The following HTRA1 variants were observed in gnomAD, a reference collection of about 807,000 sequenced individuals.
HTRA1 encodes the protein HtrA serine peptidase 1, also known as serine protease HTRA1.
A neutral mutation model predicts 49.7 loss-of-function variants in HTRA1; 26 were observed. The ratio of observed to expected loss-of-function variants is 0.52; its 90% CI spans 0.38 to 0.73. The LOEUF (loss-of-function observed/expected upper bound fraction) is 0.73, where lower values mean the gene tolerates loss of function less well. Among genes scored for constraint, HTRA1 ranks in the 30% least tolerant of loss-of-function variants. The probability of loss-of-function intolerance (pLI) is 0.00; values close to 1 mark genes in which losing one functional copy is unlikely to be tolerated. For synonymous variants in HTRA1, 291 were observed against 286.9 expected, an observed-to-expected ratio of 1.01 and a Z score of -0.14; for missense variants, 561 against 667.2, an observed-to-expected ratio of 0.84 and a Z score of 1.75.
chr10:122,476,672 T>C (rs2097488620), intron 1 of HTRA1, among the ~76,000 whole-genome samples: 2 of 152,302 alleles, frequency 1.3e-5, no homozygotes, highest in African/African-American at 4.8e-5. Context: ...TTGTCTCTGC[T>C]ATTGCACCCC....
Position 122,461,794 on chromosome 10 carries a change from C to T in HTRA1, c.142C>T (p.Pro48Ser). The part of the protein sequence containing the change: ...PDRCEPARCP[P>S]QPEHCEGGRA... ...CCGCTGCGAGCCGGCGCGCTGCCCGCCGCAGCCGGAGCACTGCGAGGGCGG... is the reference window on the plus strand; with the variant it reads ...CCGCTGCGAGCCGGCGCGCTGCCCGTCGCAGCCGGAGCACTGCGAGGGCGG... Residue 48 changes from proline to serine, a missense_variant, in exon 1 of 9, where the codon CCG becomes TCG. Physicochemically the swap from Pro to Ser is moderately conservative, Grantham distance 74. This residue lies in a region of HTRA1 where 111 missense variants were observed against 83.7 expected (regional missense o/e 1.33). Coordinates refer to ENST00000368984, the MANE Select transcript of HTRA1 (RefSeq NM_002775.5). The T allele has an allele frequency of 9.5e-7, 1 of 1,054,044 alleles. No homozygotes were observed. The highest frequency in any genetic ancestry group is 1.1e-6 in the Non-Finnish European group (1 of 876,724). 65.3% of individuals were successfully genotyped at this position (1,054,044 alleles called of 1,614,324 possible).
Position 122,464,722 on chromosome 10 carries a change from T to C in HTRA1, c.472+2598T>C, listed in dbSNP as rs1024810863. On this transcript the variant is annotated intron_variant, in intron 1 of 8. Transcript: ENST00000368984. The surrounding 1 kb of genome is among the most constrained non-coding windows in gnomAD (Gnocchi z 4.8). ...CTGGGAGCCAGCAGACTTCATTCAG[T>C]CCAAGCCAGGCTCCAGGACTCAACA... 8.5e-5 allele frequency among the ~76,000 whole-genome samples: 13 copies of C among 152,206 alleles called. No individual in the cohort carries two copies. Among genetic ancestry groups the C allele is most frequent in the African/African-American group, 3.1e-4 (13 of 41,444 alleles).
chr10:122,468,500 C>T (rs1423798466), intron 1 of HTRA1, among the ~76,000 whole-genome samples: 1 of 150,614 alleles, frequency 6.6e-6, no homozygotes, highest in Admixed American at 6.6e-5. Flanking sequence ...ACACTCTTGT[C>T]TCCCTGGGGA....
chr10:122,493,477 C>A (rs1205670569), intron 3 of HTRA1, among the ~76,000 whole-genome samples: 2 of 152,180 alleles, frequency 1.3e-5, no homozygotes, highest in Admixed American at 1.3e-4. Context: ...AGCTTTCATC[C>A]AATGGTGGCA....
At chr10:122,502,465 A>G (rs987277663) in intron 3 of HTRA1, among the ~76,000 whole-genome samples, 2 of 152,144 alleles carry the variant, frequency 1.3e-5, no homozygotes, top group African/African-American at 4.8e-5. Flanking sequence ...GGAGACCTGG[A>G]GCCCATGGCC....
chr10:122,467,318 T>C (rs1474425678), intron 1 of HTRA1, among the ~76,000 whole-genome samples: 2 of 152,114 alleles, frequency 1.3e-5, no homozygotes, highest in African/African-American at 2.4e-5. Flanking sequence ...TCCTGGGGTG[T>C]TACCTGACCA....
intron 3 of HTRA1, among the ~76,000 whole-genome samples, chr10:122,500,925 T>C (rs1159233460): frequency 6.6e-6 from 1 of 152,202 alleles, no homozygotes; most frequent in Non-Finnish European, 1.5e-5. Flanking sequence ...TGCTCTGTGT[T>C]ATACCCTCTC....
At position 122,461,637 on chromosome 10, in the gene HTRA1, C is replaced by A. The variant is rs947215183; in HGVS notation, c.-16C>A. 2.3e-6 allele frequency: 3 copies of A among 1,301,360 alleles called. No individual in the cohort carries two copies. Among genetic ancestry groups the A allele is most frequent in the African/African-American group, 1.6e-5 (1 of 62,730 alleles). The allele number at this position is 1,301,360 out of a possible 1,614,324, so 80.6% of individuals were successfully genotyped here. A position where few individuals can be genotyped will look rare whatever the true frequency, so the allele number is the denominator to read the frequency against. On this transcript the variant is annotated 5_prime_UTR_variant, in exon 1 of 9. Transcript: ENST00000368984. Reference sequence around the variant, plus strand: ...TCGCCCTGTCCGCCGCCACCGCCGCCGCCGCCAGAGTCGCCATGCAGATCC... The same window carrying A: ...TCGCCCTGTCCGCCGCCACCGCCGCAGCCGCCAGAGTCGCCATGCAGATCC...
At chr10:122,478,956 A>G (rs2097489829) in intron 1 of HTRA1, among the ~76,000 whole-genome samples, 1 of 152,228 alleles carries the variant, frequency 6.6e-6, no homozygotes. Flanking sequence ...TGTACTGGGT[A>G]CTGCATATTA....
chr10:122,504,754 G>A (rs1413572870), intron 3 of HTRA1, among the ~76,000 whole-genome samples: 5 of 152,236 alleles, frequency 3.3e-5, no homozygotes, highest in Non-Finnish European at 7.3e-5. Context: ...AGGGGCTGCT[G>A]GCCCAGGCCC....
chr10:122,473,378 C>T (rs1173740214), intron 1 of HTRA1, among the ~76,000 whole-genome samples: 1 of 152,156 alleles, frequency 6.6e-6, no homozygotes, highest in African/African-American at 2.4e-5. Context: ...TGCACTGAGC[C>T]TCTCGGATGC....
intron 1 of HTRA1, among the ~76,000 whole-genome samples, chr10:122,463,989 C>T (rs1309084183): frequency 6.6e-6 from 1 of 152,176 alleles, no homozygotes; most frequent in Non-Finnish European, 1.5e-5. Context: ...TGGCTGTGCC[C>T]CGTGCCCTGT....
Position 122,488,947 on chromosome 10 carries a change from C to T in HTRA1, c.518C>T (p.Ala173Val), listed in dbSNP as rs370751496. Residue 173 changes from alanine to valine, a missense_variant, in exon 2 of 9, where the codon GCG becomes GTG. By Grantham distance (64) the Ala-to-Val change is moderately conservative. Transcript: ENST00000368984. ...NSLRHKYNFI[A>V]DVVEKIAPAV... ...TTGCGCCATAAATATAACTTTATCG[C>T]GGACGTGGTGGAGAAGATCGCCCCT... 4 of 1,614,012 alleles carry T rather than the reference C, an allele frequency of 2.5e-6. No homozygotes were observed. The highest frequency in any genetic ancestry group is 3.4e-6 in the Non-Finnish European group (4 of 1,180,000).
At chr10:122,486,183 A>C (rs139975052) in intron 1 of HTRA1, among the ~76,000 whole-genome samples, 1 of 152,138 alleles carries the variant, frequency 6.6e-6, no homozygotes, top group African/African-American at 2.4e-5. Context: ...CTCTATTAAG[A>C]AACTTCAGTG....
chr10:122,469,060 G>C (rs927494433), intron 1 of HTRA1, among the ~76,000 whole-genome samples: 5 of 152,160 alleles, frequency 3.3e-5, no homozygotes, highest in Admixed American at 2.6e-4. Context: ...GCACACAAAA[G>C]TCTCCGAGGG....
chr10:122,480,799 C>A (rs1215685673), intron 1 of HTRA1, among the ~76,000 whole-genome samples: 2 of 152,022 alleles, frequency 1.3e-5, no homozygotes, highest in Non-Finnish European at 1.5e-5. Context: ...TTCAGTATAC[C>A]CTCTTCAAGA....
intron 1 of HTRA1, among the ~76,000 whole-genome samples, chr10:122,488,383 C>T (rs564006429): frequency 5.3e-5 from 8 of 152,044 alleles, no homozygotes; most frequent in African/African-American, 1.4e-4. Context: ...GCCTGGCCAA[C>T]GTGGTGAAAC....
intron 1 of HTRA1, among the ~76,000 whole-genome samples, chr10:122,474,210 A>G (rs759036923): frequency 1.3e-5 from 2 of 152,222 alleles, no homozygotes; most frequent in Non-Finnish European, 2.9e-5. Flanking sequence ...GATGTCGGAA[A>G]CCGTCTAGCC....
intron 1 of HTRA1, among the ~76,000 whole-genome samples, chr10:122,468,338 T>G (rs1192206347): frequency 6.6e-6 from 1 of 152,170 alleles, no homozygotes; most frequent in Admixed American, 6.5e-5. Context: ...CCTCCTTATA[T>G]GAAACGCAAA....
Sources: gnomAD v4.1 joint callset for allele counts (sites outside exome capture counted in the v4.1 genomes callset) on GRCh38, gnomAD v4.1.1 for gene constraint, gnomAD v4.1.1 regional missense constraint, Gnocchi (gnomAD v3.1) non-coding constraint, MANE v1.5 for transcripts, NCBI Gene and HGNC (gene_info 2026-07-23, HGNC 2026-07-21) for gene names.